MAP7: variants seen among roughly 807,000 people sequenced by gnomAD.
MAP7 encodes the protein microtubule associated protein 7.
MAP7 carries 52 observed loss-of-function variants against 94.8 expected under a neutral mutation model. The observed-to-expected ratio is 0.55, with a 90% CI of 0.44 to 0.69. The LOEUF (loss-of-function observed/expected upper bound fraction) is 0.69. MAP7 is among the 30% of genes least tolerant of loss of function. The pLI is 0.00. For missense variants in MAP7, 940 were observed against 964.6 expected (o/e 0.97, Z 0.34); for synonymous variants, 350 against 357.0 (o/e 0.98, Z 0.22).
intron 1 of MAP7, among the ~76,000 whole-genome samples, chr6:136,522,764 G>T (rs1267175900): frequency 6.6e-6 from 1 of 152,222 alleles, no homozygotes; most frequent in Admixed American, 6.5e-5. Flanking sequence ...AAGCACAGTG[G>T]CTCACGCCTG....
chr6:136,520,598 T>C (rs1826128016), intron 1 of MAP7, among the ~76,000 whole-genome samples: 1 of 152,172 alleles, frequency 6.6e-6, no homozygotes, highest in Admixed American at 6.5e-5. Flanking sequence ...AGTAATGGAT[T>C]TACAGTGCGG....
chr6:136,348,363 A>G (rs1028999630), intron 16 of MAP7, among the ~76,000 whole-genome samples: 4 of 152,172 alleles, frequency 2.6e-5, no homozygotes, highest in African/African-American at 7.2e-5. Context: ...CAGAGGGATA[A>G]TTGTGCCATA....
chr6:136,410,578 G>A (rs1474758796), intron 3 of MAP7, among the ~76,000 whole-genome samples: 2 of 152,200 alleles, frequency 1.3e-5, no homozygotes, highest in South Asian at 2.1e-4. Context: ...CTTCCAGTAA[G>A]CAAATGAAAT....
chr6:136,447,142 A>G (rs1327816543), intron 1 of MAP7, among the ~76,000 whole-genome samples: 2 of 152,186 alleles, frequency 1.3e-5, no homozygotes, highest in African/African-American at 2.4e-5. Flanking sequence ...GGTTTAATCT[A>G]AGAAACACAA....
At chr6:136,533,761 C>T (rs1828664852) in intron 1 of MAP7, among the ~76,000 whole-genome samples, 1 of 152,166 alleles carries the variant, frequency 6.6e-6, no homozygotes, top group South Asian at 2.1e-4. Context: ...CCAGCTCTCA[C>T]ATGAACGAAC....
intron 1 of MAP7, among the ~76,000 whole-genome samples, 198 bp from the exon 2 acceptor site, chr6:136,421,997 G>A (rs2076193): frequency 0.66 from 99,877 of 152,016 alleles, 33,240 homozygotes; most frequent in South Asian, 0.79. Context: ...ACCTCAGCTT[G>A]AGTGACCCAT....
At chr6:136,411,440 C>T (rs1787420914) in intron 3 of MAP7, among the ~76,000 whole-genome samples, 180 bp downstream of exon 3, 1 of 152,138 alleles carries the variant, frequency 6.6e-6, no homozygotes, top group Admixed American at 6.5e-5. Context: ...AAAGGATGAC[C>T]TTAATCCTGA....
intron 1 of MAP7, among the ~76,000 whole-genome samples, chr6:136,471,347 C>T (rs1165751747): frequency 2.0e-5 from 3 of 151,978 alleles, no homozygotes; most frequent in Admixed American, 6.5e-5. Context: ...CCTTCTTAAT[C>T]GTAGTTCTTT....
At chr6:136,489,238 G>A (rs13193018) in intron 1 of MAP7, among the ~76,000 whole-genome samples, 8 of 151,968 alleles carry the variant, frequency 5.3e-5, no homozygotes, top group African/African-American at 1.9e-4. Flanking sequence ...ACCAATGCAT[G>A]TTGTACTGAC....
rs3799425 is a variant in MAP7 at position 136,438,747 on chromosome 6, A to C, written c.68-16948T>G. Among the ~76,000 whole-genome samples, 1,877 of 152,340 alleles carry C rather than the reference A, an allele frequency of 0.012. 79 individuals carry two copies. In the East Asian group the frequency reaches 0.13, roughly 11 times the overall value. On this transcript the variant is annotated intron_variant, in intron 1 of 17. Transcript: ENST00000354570. ...AAAACTGACAGGTCACCAAGACTAC[A>C]GAATTTCTAGAACCAAGACCTTCAG...
At chr6:136,420,908 G>A (rs1167987118) in intron 2 of MAP7, among the ~76,000 whole-genome samples, 1 of 152,064 alleles carries the variant, frequency 6.6e-6, no homozygotes, top group Non-Finnish European at 1.5e-5. Flanking sequence ...CTGATTCACT[G>A]TGTCACTGTG....
At chr6:136,351,592 G>T (rs755755099) in intron 16 of MAP7, among the ~76,000 whole-genome samples, 1 of 152,190 alleles carries the variant, frequency 6.6e-6, no homozygotes, top group Non-Finnish European at 1.5e-5. Context: ...ATCCAGCCTG[G>T]AACTTTTGGT....
chr6:136,456,767 G>GGAGGAGGAGGAC (rs1179338276), intron 1 of MAP7, among the ~76,000 whole-genome samples: 19 of 60,594 alleles, frequency 3.1e-4, no homozygotes, highest in African/African-American at 1.2e-3. Context: ...AGGAGGAGGA[G>GGAGGAGGAGGAC]GAAGAAGAAG....
intron 13 of MAP7, 73 bp downstream of exon 13, chr6:136,360,624 A>C (rs557908021): frequency 4.5e-6 from 6 of 1,339,814 alleles, no homozygotes; most frequent in Admixed American, 3.6e-5. Flanking sequence ...GCGTTTTCTG[A>C]CGGCCAGGGC....
chr6:136,481,837 T>C (rs1482458101), intron 1 of MAP7, among the ~76,000 whole-genome samples: 1 of 152,228 alleles, frequency 6.6e-6, no homozygotes, highest in South Asian at 2.1e-4. Context: ...GATGTGATTA[T>C]GTATTATATG....
intron 1 of MAP7, among the ~76,000 whole-genome samples, chr6:136,467,288 G>A (rs1807456427): frequency 6.6e-6 from 1 of 152,148 alleles, no homozygotes; most frequent in Non-Finnish European, 1.5e-5. Context: ...AACCCTGAAG[G>A]TTATGGCTGA....
intron 1 of MAP7, among the ~76,000 whole-genome samples, chr6:136,536,587 T>A (rs1233968200): frequency 6.6e-6 from 1 of 152,176 alleles, no homozygotes; most frequent in Non-Finnish European, 1.5e-5. Flanking sequence ...TAAAAATCTC[T>A]CCTTTCTCTT....
intron 8 of MAP7, 127 bp from the exon 9 acceptor site, chr6:136,366,566 A>T: frequency 1.5e-6 from 1 of 657,410 alleles, no homozygotes; most frequent in East Asian, 2.7e-5. Flanking sequence ...TGTCACATAT[A>T]CCCATTCCAT....
intron 1 of MAP7, among the ~76,000 whole-genome samples, chr6:136,515,575 T>C (rs1193083660): frequency 6.6e-6 from 1 of 152,198 alleles, no homozygotes; most frequent in African/African-American, 2.4e-5. Context: ...AGGTTATTAG[T>C]TAACTTCATT....
Sources: gnomAD v4.1 joint callset for allele counts (sites outside exome capture counted in the v4.1 genomes callset) on GRCh38, gnomAD v4.1.1 for gene constraint, MANE v1.5 for transcripts, NCBI Gene and HGNC (gene_info 2026-07-23, HGNC 2026-07-21) for gene names.